KLHL1: variants seen among roughly 807,000 people sequenced by gnomAD.
KLHL1 encodes kelch like family member 1, also known as kelch-like protein 1.
A neutral mutation model predicts 77.7 loss-of-function variants in KLHL1; 47 were observed. The observed-to-expected ratio is 0.60, with a 90% confidence interval of 0.48 to 0.77. KLHL1 has a LOEUF of 0.77. KLHL1 is among the 30% of genes least tolerant of loss of function. KLHL1 has a pLI of 0.00. For synonymous variants in KLHL1, 360 were observed against 325.2 expected (o/e 1.11, Z -1.15); for missense variants, 925 against 910.8 (o/e 1.02, Z -0.20).
intron 8 of KLHL1, among the ~76,000 whole-genome samples, chr13:69,737,404 C>T (rs1365345450): frequency 3.3e-5 from 5 of 152,224 alleles, no homozygotes; most frequent in Non-Finnish European, 5.9e-5. Flanking sequence ...GCCTCGCTCC[C>T]ACGGAACCCC....
intron 7 of KLHL1, among the ~76,000 whole-genome samples, chr13:69,787,518 A>G (rs1036423966): frequency 1.3e-5 from 2 of 152,240 alleles, no homozygotes; most frequent in Non-Finnish European, 2.9e-5. Flanking sequence ...TTCAAGGTGG[A>G]TTAAAGATTT....
intron 6 of KLHL1, among the ~76,000 whole-genome samples, chr13:69,826,480 T>C (rs930400142): frequency 6.6e-6 from 1 of 152,132 alleles, no homozygotes; most frequent in Non-Finnish European, 1.5e-5. Context: ...CTCAGGAGTC[T>C]GAGGCAGGAG....
chr13:69,953,774 A>T (rs1883785539), intron 3 of KLHL1, among the ~76,000 whole-genome samples: 1 of 151,236 alleles, frequency 6.6e-6, no homozygotes, highest in Non-Finnish European at 1.5e-5. Flanking sequence ...TTGGACTCAA[A>T]ATTAATAAAT....
intron 5 of KLHL1, among the ~76,000 whole-genome samples, chr13:69,872,737 A>C (rs1880629185): frequency 6.6e-6 from 1 of 152,172 alleles, no homozygotes; most frequent in South Asian, 2.1e-4. Context: ...GTTATTTGTC[A>C]GGAGAATAAA....
chr13:69,801,912 T>A (rs999617116), intron 6 of KLHL1, among the ~76,000 whole-genome samples: 1 of 152,182 alleles, frequency 6.6e-6, no homozygotes, highest in African/African-American at 2.4e-5. Context: ...CGAAAGAACA[T>A]GCAGGTTTAT....
chr13:69,801,970 G>A (rs552915410), intron 6 of KLHL1, among the ~76,000 whole-genome samples: 207 of 152,092 alleles, frequency 1.4e-3, no homozygotes, highest in African/African-American at 4.6e-3. Context: ...TTATCAACCC[G>A]TCATCTAGGT....
At chr13:69,804,454 A>G (rs77587734) in intron 6 of KLHL1, among the ~76,000 whole-genome samples, 5,562 of 152,264 alleles carry the variant, frequency 0.037, 129 homozygotes, top group Middle Eastern at 0.061. Flanking sequence ...AGTTTTCTCA[A>G]CTGACAAAAG....
chr13:69,721,488 C>T (rs1270696607), intron 8 of KLHL1, among the ~76,000 whole-genome samples: 2 of 151,566 alleles, frequency 1.3e-5, no homozygotes, highest in African/African-American at 4.8e-5. Flanking sequence ...ATTTTGGGTT[C>T]GCAGATGAAA....
chr13:70,093,996 T>C (rs1887730695), intron 1 of KLHL1, among the ~76,000 whole-genome samples: 1 of 152,104 alleles, frequency 6.6e-6, no homozygotes, highest in Admixed American at 6.6e-5. Context: ...TTACTAAGAG[T>C]AGTATACGGT....
chr13:69,851,591 A>T (rs1879693577), intron 5 of KLHL1, among the ~76,000 whole-genome samples: 2 of 151,848 alleles, frequency 1.3e-5, no homozygotes, highest in African/African-American at 4.8e-5. Flanking sequence ...CATATTTTTG[A>T]TGCATCAATA....
chr13:70,084,622 C>CTTTTTGTTTTTTTTTTTTTT (rs1887481997), intron 1 of KLHL1, among the ~76,000 whole-genome samples: 1 of 14,956 alleles, frequency 6.7e-5, no homozygotes, highest in African/African-American at 3.4e-4. Flanking sequence ...CCACGCCAGG[C>CTTTTTGTTTTTTTTTTTTTT]TTTTTTTTTT....
chr13:69,953,643 C>T (rs1309191316), intron 3 of KLHL1, among the ~76,000 whole-genome samples: 2 of 150,890 alleles, frequency 1.3e-5, no homozygotes, highest in African/African-American at 2.4e-5. Context: ...AATAAAAATC[C>T]ATCTCAAATA....
At chr13:70,045,379 TA>T (rs1162243731) in intron 1 of KLHL1, among the ~76,000 whole-genome samples, 2 of 152,176 alleles carry the variant, frequency 1.3e-5, no homozygotes, top group Admixed American at 6.5e-5. Flanking sequence ...ATTCTACAGG[TA>T]TTTTTTTAGT....
intron 1 of KLHL1, among the ~76,000 whole-genome samples, chr13:70,074,525 C>A (rs1229274444): frequency 2.0e-5 from 3 of 151,938 alleles, no homozygotes; most frequent in Non-Finnish European, 4.4e-5. Context: ...AGAGGGCATT[C>A]CAAAGGGGAC....
intron 4 of KLHL1, chr13:69,894,791 A>C (rs1367776229): frequency 8.6e-6 from 2 of 233,524 alleles, no homozygotes; most frequent in Admixed American, 1.0e-4. Context: ...AAGCTCCACA[A>C]ATTCCTTAAT....
chr13:70,024,986 T>A (rs1056568265), intron 1 of KLHL1, among the ~76,000 whole-genome samples: 9 of 151,950 alleles, frequency 5.9e-5, no homozygotes, highest in Non-Finnish European at 1.0e-4. Flanking sequence ...ACTTTAGATA[T>A]TTTTTATAAG....
At chr13:69,824,384 T>G (rs1002994219) in intron 6 of KLHL1, among the ~76,000 whole-genome samples, 1 of 152,202 alleles carries the variant, frequency 6.6e-6, no homozygotes. Flanking sequence ...TGATATTTTC[T>G]CTGATGTTTT....
rs116749391 is a variant in KLHL1, at chr13:69,716,206, G to C, written c.2015+3163C>G. On this transcript the variant is annotated intron_variant, in intron 9 of 10. Transcript: ENST00000377844. ...AATTTCTCTATCAATTCATTTGTCT[G>C]TATAACAACCTATTTACAGTTTATC... 8.8e-3 allele frequency among the ~76,000 whole-genome samples: 1,340 copies of C among 152,072 alleles called. 21 individuals are homozygous for C. Among genetic ancestry groups the C allele is most frequent in the African/African-American group, 0.031 (1,282 of 41,504 alleles).
At chr13:69,989,456 T>C (rs993489820) in intron 1 of KLHL1, among the ~76,000 whole-genome samples, 5 of 152,020 alleles carry the variant, frequency 3.3e-5, no homozygotes, top group African/African-American at 9.7e-5. Flanking sequence ...GCTCCTTGGT[T>C]CCATATGAAT....
Sources: allele counts gnomAD v4.1 joint callset (sites outside exome capture counted in the v4.1 genomes callset), GRCh38; gene constraint gnomAD v4.1.1; transcripts MANE v1.5; gene names NCBI Gene and HGNC (gene_info 2026-07-23, HGNC 2026-07-21).